RAI14: variants seen among roughly 807,000 people sequenced by gnomAD.
The protein encoded by RAI14 is retinoic acid induced 14.
A neutral mutation model predicts 115.4 loss-of-function variants in RAI14; 45 were observed. That is an observed-to-expected ratio of 0.39 (90% CI 0.31 to 0.50). The LOEUF (loss-of-function observed/expected upper bound fraction) is 0.50. Ranked by LOEUF, RAI14 falls within the 20% of genes least tolerant of loss-of-function variation. The pLI, the probability that RAI14 is intolerant of heterozygous loss-of-function variation, is 0.85. For missense variants in RAI14, 939 were observed against 1,131.2 expected (o/e 0.83, Z 2.44); for synonymous variants, 371 against 415.4 (o/e 0.89, Z 1.30).
rs1442905761 is a variant in RAI14, at chr5:34,796,040, T to C, written c.256+13T>C. ...CAAGATACTACCGGTATGTGGTTTTTAGTCTCTTAAGTCAGCAGGCCAGCA... is the reference window on the plus strand; with the variant it reads ...CAAGATACTACCGGTATGTGGTTTTCAGTCTCTTAAGTCAGCAGGCCAGCA... On this transcript the variant is annotated intron_variant, in intron 4 of 17. Coordinates refer to ENST00000265109, the MANE Select transcript of RAI14 (RefSeq NM_015577.3). 1 of 1,593,998 alleles carries C rather than the reference T, an allele frequency of 6.3e-7. No homozygotes were observed. The highest frequency in any genetic ancestry group is 8.6e-7 in the Non-Finnish European group (1 of 1,162,494).
chr5:34,788,811 A>C (rs1752607635), intron 3 of RAI14, among the ~76,000 whole-genome samples: 1 of 152,014 alleles, frequency 6.6e-6, no homozygotes, highest in African/African-American at 2.4e-5. Context: ...CTCTGCAAAA[A>C]CACAAAAATT....
chr5:34,788,983 C>G (rs1752626056), intron 3 of RAI14, among the ~76,000 whole-genome samples: 1 of 152,144 alleles, frequency 6.6e-6, no homozygotes, highest in African/African-American at 2.4e-5. Context: ...AAGAAAAAAA[C>G]TATGTTTAAA....
chr5:34,695,646 A>C (rs1739140142), intron 2 of RAI14, among the ~76,000 whole-genome samples: 2 of 152,248 alleles, frequency 1.3e-5, no homozygotes, highest in Non-Finnish European at 2.9e-5. Flanking sequence ...TATTCAGGAC[A>C]TAATTGGATT....
intron 13 of RAI14, among the ~76,000 whole-genome samples, chr5:34,820,240 C>G (rs1429718537): frequency 6.6e-6 from 1 of 152,120 alleles, no homozygotes; most frequent in Non-Finnish European, 1.5e-5. Context: ...AAATTTAGAT[C>G]AGTGCTTTTC....
intron 3 of RAI14, among the ~76,000 whole-genome samples, chr5:34,758,258 T>G (rs1166160426): frequency 6.6e-6 from 1 of 152,262 alleles, no homozygotes; most frequent in African/African-American, 2.4e-5. Flanking sequence ...ATTAGTTAAC[T>G]GTTAGAGTAG....
At chr5:34,704,123 T>G (rs1270646433) in intron 2 of RAI14, among the ~76,000 whole-genome samples, 1 of 152,200 alleles carries the variant, frequency 6.6e-6, no homozygotes, top group East Asian at 1.9e-4. Context: ...AATTGAAGTT[T>G]GAGGTCTAAT....
At position 34,826,121 on chromosome 5, in the gene RAI14, T is replaced by C. The variant is rs75112021; in HGVS notation, c.2650-209T>C. Reference sequence around the variant, plus strand: ...TTCAAGGGCCTTTATCTGAACCTAATGGATGTAGCGGGCTTTGTTAGTTTG... The same window carrying C: ...TTCAAGGGCCTTTATCTGAACCTAACGGATGTAGCGGGCTTTGTTAGTTTG... On this transcript the variant is annotated intron_variant, in intron 15 of 17. Transcript: ENST00000265109. 2.7e-4 allele frequency: 101 copies of C among 371,410 alleles called. 1 individual carries two copies. The East Asian group carries it at 4.3e-3, about 16-fold the overall frequency. The allele number at this position is 371,410 out of a possible 1,614,324, so 23.0% of individuals were successfully genotyped here.
intron 17 of RAI14, among the ~76,000 whole-genome samples, chr5:34,830,476 C>A (rs566713846): frequency 6.6e-6 from 1 of 152,180 alleles, no homozygotes; most frequent in Non-Finnish European, 1.5e-5. Context: ...TTGGTAGACA[C>A]TGCCACCTCA....
intron 3 of RAI14, among the ~76,000 whole-genome samples, chr5:34,782,003 G>A (rs989296752): frequency 6.6e-5 from 10 of 152,226 alleles, no homozygotes; most frequent in African/African-American, 2.2e-4. Context: ...GAAATAAAGG[G>A]ATGGGTCTGG....
At chr5:34,733,137 T>C (rs2150027326) in intron 2 of RAI14, 1 of 152,314 alleles carries the variant, frequency 6.6e-6, no homozygotes, top group South Asian at 2.1e-4. Context: ...AGGAGGAATA[T>C]CAGAGCAAGA....
intron 2 of RAI14, 119 bp downstream of exon 2, chr5:34,687,074 C>T: frequency 9.5e-7 from 1 of 1,052,904 alleles, no homozygotes; most frequent in Admixed American, 2.0e-5. Context: ...CTCAAGTGCT[C>T]TTGGCCCCAG....
At chr5:34,690,044 C>G (rs918642069) in intron 2 of RAI14, among the ~76,000 whole-genome samples, 8 of 152,154 alleles carry the variant, frequency 5.3e-5, no homozygotes, top group Non-Finnish European at 1.2e-4. Flanking sequence ...ACTCTGGTAA[C>G]AGTTGCTGCT....
intron 1 of RAI14, among the ~76,000 whole-genome samples, chr5:34,671,005 TTTG>T (rs1453855186): frequency 6.6e-6 from 1 of 152,222 alleles, no homozygotes; most frequent in African/African-American, 2.4e-5. Flanking sequence ...GTAATAATTT[TTTG>T]TTTTTGTTTT....
chr5:34,659,281 TG>T (rs1224403455), intron 1 of RAI14, among the ~76,000 whole-genome samples: 1 of 152,210 alleles, frequency 6.6e-6, no homozygotes, highest in Non-Finnish European at 1.5e-5. Flanking sequence ...CACTGTTTTT[TG>T]TTTGAGCTGC....
intron 2 of RAI14, among the ~76,000 whole-genome samples, chr5:34,747,210 A>G (rs1426408567): frequency 6.6e-6 from 1 of 152,198 alleles, no homozygotes; most frequent in East Asian, 1.9e-4. Context: ...GAGTGACTGC[A>G]TATGTTTTTT....
At chr5:34,815,197 A>G (rs13361508) in intron 12 of RAI14, among the ~76,000 whole-genome samples, 19,529 of 152,100 alleles carry the variant, frequency 0.13, 2,516 homozygotes, top group African/African-American at 0.33. Flanking sequence ...CCTGGCCAAC[A>G]TGGTGAAACT....
chr5:34,682,384 G>GTT (rs897205491), intron 1 of RAI14, among the ~76,000 whole-genome samples: 20 of 146,732 alleles, frequency 1.4e-4, no homozygotes, highest in African/African-American at 4.7e-4. Flanking sequence ...CATTGTAAGG[G>GTT]TTTTTTTTTT....
At chr5:34,781,302 C>T (rs991310850) in intron 3 of RAI14, among the ~76,000 whole-genome samples, 4 of 151,786 alleles carry the variant, frequency 2.6e-5, no homozygotes, top group Non-Finnish European at 5.9e-5. Flanking sequence ...AGCACACCAA[C>T]GTGGCACATG....
At position 34,772,914 on chromosome 5, in the gene RAI14, C is replaced by T. The variant is rs374032528; in HGVS notation, c.167+15316C>T. ...ACAAGAGTAGGGACATTCCAAATAT[C>T]AATAAGCAGCAAAGGGATCAAAGTC... is the stretch of plus-strand genomic sequence containing the variant. On this transcript the variant is annotated intron_variant, in intron 3 of 17. Coordinates refer to ENST00000265109, the MANE Select transcript of RAI14 (RefSeq NM_015577.3). Among the ~76,000 whole-genome samples the T allele has an allele frequency of 9.2e-5, 14 of 152,264 alleles. No individual in the cohort carries two copies. In the East Asian group the frequency reaches 1.7e-3, roughly 19 times the overall value.
Sources: gnomAD v4.1 joint callset for allele counts (sites outside exome capture counted in the v4.1 genomes callset) on GRCh38, gnomAD v4.1.1 for gene constraint, MANE v1.5 for transcripts, NCBI Gene and HGNC (gene_info 2026-07-23, HGNC 2026-07-21) for gene names.